Variants in PCDHA3 observed in about 807,000 individuals in gnomAD.
PCDHA3 encodes the protein protocadherin alpha-3.
In PCDHA3, 41 loss-of-function variants were observed where a neutral mutation model predicts 62.2. The observed-to-expected ratio is 0.66, with a 90% confidence interval of 0.51 to 0.86. The LOEUF (loss-of-function observed/expected upper bound fraction) is 0.86. Ranked by LOEUF, PCDHA3 falls within the 40% of genes least tolerant of loss-of-function variation. The probability of loss-of-function intolerance (pLI) is 0.00; values close to 1 mark genes in which losing one functional copy is unlikely to be tolerated. For synonymous variants in PCDHA3, 640 were observed against 555.4 expected (o/e 1.15, Z -2.14); for missense variants, 1,304 against 1,241.2 (o/e 1.05, Z -0.76).
rs2150408598 is a variant in PCDHA3, at chr5:140,848,320, T to A, written c.2394+44729T>A. The A allele has an allele frequency of 6.9e-5, 53 of 763,546 alleles. 1 individual carries two copies. The highest frequency in any genetic ancestry group is 1.0e-4 in the Non-Finnish European group (48 of 466,870). 47.3% of individuals were successfully genotyped at this position (763,546 alleles called of 1,614,324 possible). A position where few individuals can be genotyped will look rare whatever the true frequency, so the allele number is the denominator to read the frequency against. ...CGTGATGTCACTCTTTGCCGCGATG[T>A]TCTCTCTGAATCCAGACAAATACAG... is the stretch of plus-strand genomic sequence containing the variant. On this transcript the variant is annotated intron_variant, in intron 1 of 3. Transcript: ENST00000522353.
At chr5:140,943,277 AG>A (rs199866143) in intron 1 of PCDHA3, among the ~76,000 whole-genome samples, 16,429 of 127,604 alleles carry the variant, frequency 0.13, 1,638 homozygotes, top group African/African-American at 0.18. Flanking sequence ...AAAAAAAAAA[AG>A]AAAGAAAGAA....
chr5:140,841,710 C>A (rs2150321322), intron 1 of PCDHA3: 2 of 1,613,738 alleles, frequency 1.2e-6, no homozygotes, highest in African/African-American at 2.7e-5. Flanking sequence ...AATGACAACC[C>A]GCCAGTGTTC....
At chr5:140,935,144 A>G (rs1289868558) in intron 1 of PCDHA3, among the ~76,000 whole-genome samples, 1 of 152,184 alleles carries the variant, frequency 6.6e-6, no homozygotes, top group Admixed American at 6.5e-5. Context: ...TGATACTTAG[A>G]GATATAATCT....
chr5:140,828,642 T>C (rs1769868175), intron 1 of PCDHA3: 1 of 1,614,010 alleles, frequency 6.2e-7, no homozygotes, highest in Non-Finnish European at 8.5e-7. Flanking sequence ...GATGTGAAAA[T>C]AAACAGTGAT....
intron 1 of PCDHA3, chr5:140,817,042 G>A (rs2126677218): frequency 3.9e-5 from 6 of 152,156 alleles, no homozygotes; most frequent in African/African-American, 1.4e-4. Flanking sequence ...GCTGAGCTGA[G>A]TTTCTCTCTG....
chr5:140,868,681 TATA>T (rs1235223560), intron 1 of PCDHA3: 45 of 172,206 alleles, frequency 2.6e-4, no homozygotes, highest in African/African-American at 1.0e-3. Context: ...AGAACAATGT[TATA>T]ATGTTAAGTC....
At chr5:141,006,130 TAGAAAGCTTAAGC>T (rs2098257447) in intron 3 of PCDHA3, among the ~76,000 whole-genome samples, 1 of 150,362 alleles carries the variant, frequency 6.7e-6, no homozygotes. Context: ...CTCAAGGCAG[TAGAAAGCTTAAGC>T]AGAGGAGTGA....
chr5:140,825,433 A>G (rs1554130246), intron 1 of PCDHA3: 1 of 147,668 alleles, frequency 6.8e-6, no homozygotes, highest in Non-Finnish European at 1.5e-5. Flanking sequence ...TAATAAATAT[A>G]TAATAATAAT....
At chr5:140,914,944 CTTTT>C (rs35695909) in intron 1 of PCDHA3, among the ~76,000 whole-genome samples, 298 of 128,244 alleles carry the variant, frequency 2.3e-3, no homozygotes, top group African/African-American at 8.2e-3. Flanking sequence ...GAAAAGTTGT[CTTTT>C]TTTTTTTTTT....
intron 1 of PCDHA3, among the ~76,000 whole-genome samples, chr5:140,879,506 A>T (rs1156992401): frequency 1.3e-5 from 2 of 152,224 alleles, no homozygotes; most frequent in Non-Finnish European, 2.9e-5. Context: ...CTCAGAAGAG[A>T]TTATTGATAT....
chr5:140,857,656 G>C (rs1269090821), intron 1 of PCDHA3: 1 of 1,596,806 alleles, frequency 6.3e-7, no homozygotes, highest in Non-Finnish European at 8.6e-7. Flanking sequence ...AGGTGAGCGC[G>C]CGCGATGGGG....
At chr5:140,823,090 A>T in intron 1 of PCDHA3, 1 of 1,614,038 alleles carries the variant, frequency 6.2e-7, no homozygotes, top group Non-Finnish European at 8.5e-7. Context: ...GGCCACCGCC[A>T]GCGTGTCTGT....
rs868946985 is a variant in PCDHA3, at chr5:140,985,825, T to C, written c.2542+3262T>C. ...CACGATCTCAGCTCACAACAAGCTC[T>C]GCCTCCCGGGTTCATGCCACTCTCC... On this transcript the variant is annotated intron_variant, in intron 3 of 3. Transcript: ENST00000522353. 4.1e-4 allele frequency among the ~76,000 whole-genome samples: 61 copies of C among 148,858 alleles called. 1 individual carries two copies. The highest frequency in any genetic ancestry group is 2.7e-4 in the Admixed American group (4 of 14,688).
chr5:140,851,054 T>G, intron 1 of PCDHA3: 1 of 1,379,124 alleles, frequency 7.3e-7, no homozygotes, highest in Non-Finnish European at 9.5e-7. Context: ...GACTTTGTCT[T>G]GACTTCTAGT....
At chr5:140,895,851 C>T (rs2065201261) in intron 1 of PCDHA3, among the ~76,000 whole-genome samples, 1 of 152,078 alleles carries the variant, frequency 6.6e-6, no homozygotes, top group Admixed American at 6.6e-5. Flanking sequence ...CACTCTTGTA[C>T]CCCAGGCTGG....
At chr5:140,843,126 G>A (rs2150353418) in intron 1 of PCDHA3, 7 of 1,595,940 alleles carry the variant, frequency 4.4e-6, no homozygotes. Context: ...GCCGACTCGG[G>A]CTACAACGCG....
chr5:140,882,886 G>C, intron 1 of PCDHA3: 1 of 1,614,200 alleles, frequency 6.2e-7, no homozygotes, highest in Non-Finnish European at 8.5e-7. Context: ...AGGAAATTCA[G>C]GAACATAGTT....
chr5:140,883,231 G>A, intron 1 of PCDHA3: 1 of 1,613,930 alleles, frequency 6.2e-7, no homozygotes, highest in Non-Finnish European at 8.5e-7. Context: ...TATCCGTGGA[G>A]GCAGTTGACA....
rs782607937 is a variant in PCDHA3, at chr5:140,805,105, T to A, written c.2394+1514T>A. 10 of 1,591,374 alleles carry A rather than the reference T, an allele frequency of 6.3e-6. No individual in the cohort carries two copies. In the Admixed American group the frequency reaches 1.7e-4, roughly 27 times the overall value. On this transcript the variant is annotated intron_variant, in intron 1 of 3. Transcript: ENST00000522353. ...AATCCAGCTTGCCTCTTGAAACTAT[T>A]GTCTAACAAGACTCTTGGCAAAGAC...
Sources: gnomAD v4.1 joint callset for allele counts (sites outside exome capture counted in the v4.1 genomes callset) on GRCh38, gnomAD v4.1.1 for gene constraint, MANE v1.5 for transcripts, NCBI Gene and HGNC (gene_info 2026-07-23, HGNC 2026-07-21) for gene names.